Variants in SCN4A observed in about 807,000 individuals in gnomAD.
The protein encoded by SCN4A is sodium voltage-gated channel alpha subunit 4.
SCN4A carries 83 observed loss-of-function variants against 162.0 expected under a neutral mutation model. The ratio of observed to expected loss-of-function variants is 0.51; its 90% CI spans 0.43 to 0.61. The LOEUF (loss-of-function observed/expected upper bound fraction) is 0.61, where lower values mean the gene tolerates loss of function less well. SCN4A is among the 20% of genes least tolerant of loss of function. The pLI, the probability that SCN4A is intolerant of heterozygous loss-of-function variation, is 0.00. For synonymous variants in SCN4A, 944 were observed against 985.1 expected (o/e 0.96, Z 0.78); for missense variants, 2,196 against 2,462.5 (o/e 0.89, Z 2.29).
chr17:63,966,826 T>A, intron 6 of SCN4A, among the ~76,000 whole-genome samples: 1 of 152,256 alleles, frequency 6.6e-6, no homozygotes, highest in Admixed American at 6.5e-5. Flanking sequence ...TGTACGTGTG[T>A]GCATGGGGTT....
chr17:63,949,320 C>T, intron 15 of SCN4A, 73 bp downstream of exon 15: 2 of 1,460,402 alleles, frequency 1.4e-6, no homozygotes, highest in Non-Finnish European at 1.8e-6. Context: ...GCTTTTGGTC[C>T]TGGTGTAGCC....
intron 15 of SCN4A, 122 bp downstream of exon 15, chr17:63,949,271 G>GT (rs1369092360): frequency 9.5e-7 from 1 of 1,054,186 alleles, no homozygotes; most frequent in East Asian, 2.6e-5. Flanking sequence ...CCCTAGACAC[G>GT]TGAGGCACGG....
chr17:63,954,149 G>C (rs1909002241), intron 13 of SCN4A, among the ~76,000 whole-genome samples: 1 of 152,186 alleles, frequency 6.6e-6, no homozygotes, highest in South Asian at 2.1e-4. Context: ...CTCACTCCTG[G>C]CTCTCACCAG....
intron 11 of SCN4A, 129 bp from the exon 12 acceptor site, chr17:63,959,567 G>T: frequency 1.2e-6 from 1 of 816,722 alleles, no homozygotes; most frequent in Non-Finnish European, 2.0e-6. Context: ...GCCCTGAGAG[G>T]AGCAGGAGTG....
chr17:63,970,665 A>G (rs372127406), intron 5 of SCN4A, among the ~76,000 whole-genome samples: 1 of 149,702 alleles, frequency 6.7e-6, no homozygotes, highest in Admixed American at 6.7e-5. Context: ...ATGGAATCTC[A>G]CTGTGTTGCC....
chr17:63,952,595 AC>A (rs1421511454), intron 13 of SCN4A, among the ~76,000 whole-genome samples: 1 of 151,546 alleles, frequency 6.6e-6, no homozygotes, highest in African/African-American at 2.4e-5. Flanking sequence ...GACTTTATAG[AC>A]CCCGCACTCC....
rs761874460 is a variant in SCN4A, at chr17:63,964,588, G to A, written c.1332C>T (p.Ala444=). The change falls in exon 9 of 24, where the codon GCC becomes GCT. Residue 444 remains alanine (A), a synonymous_variant. Coordinates refer to ENST00000435607, the MANE Select transcript of SCN4A (RefSeq NM_000334.4). ...GSFYLINLIL[A]VVAMAYAEQN... The stretch of plus-strand genomic sequence containing the variant: ...GCTCGGCATATGCCATGGCCACCAC[G>A]GCCAGGATCAGATTGATGAGGTAGA... 7 of 1,613,756 alleles carry A rather than the reference G, an allele frequency of 4.3e-6. No homozygotes were observed. The highest frequency in any genetic ancestry group is 2.7e-5 in the African/African-American group (2 of 74,944).
At chr17:63,958,001 C>CT (rs994876839) in intron 12 of SCN4A, among the ~76,000 whole-genome samples, 1 of 95,514 alleles carries the variant, frequency 1.0e-5, no homozygotes, top group Non-Finnish European at 2.1e-5. Flanking sequence ...CAAAACTCCA[C>CT]TAAAAAAAAA....
chr17:63,967,112 G>T (rs1280958440), intron 6 of SCN4A, among the ~76,000 whole-genome samples: 1 of 152,036 alleles, frequency 6.6e-6, no homozygotes, highest in Admixed American at 6.6e-5. Flanking sequence ...ACAGGTTAGG[G>T]AGTAGGAACT....
chr17:63,961,004 T>G (rs1194771264), intron 11 of SCN4A, among the ~76,000 whole-genome samples, 189 bp downstream of exon 11: 1 of 150,442 alleles, frequency 6.6e-6, no homozygotes. Context: ...CCCAGTTCTG[T>G]GTGCCACAGA....
At position 63,947,779 on chromosome 17, in the gene SCN4A, T is replaced by G. The variant is rs998660383; in HGVS notation, c.3318+111A>C. 6.6e-6 allele frequency: 7 copies of G among 1,058,950 alleles called. No homozygotes were observed. The East Asian group carries it at 1.8e-4, about 28-fold the overall frequency. 65.6% of individuals were successfully genotyped at this position (1,058,950 alleles called of 1,614,324 possible). On this transcript the variant is annotated intron_variant, in intron 17 of 23. Coordinates refer to ENST00000435607, the MANE Select transcript of SCN4A (RefSeq NM_000334.4). ...GGGCAGCACTGATTGAGGGTCTGAC[T>G]CTGGGGGTGGCCTCGGGCAGGTCCT...
At position 63,948,640 on chromosome 17, in the gene SCN4A, A is replaced by G. The variant is rs756557811; in HGVS notation, c.3115T>C (p.Phe1039Leu). ...GCCCCACTGCTGAGCAGGATCATGA[A>G]GACAATGAAGGTCTCGAACCAGTTG... ...EHNWFETFIVFMILLSSGALA... is the reference protein window; with the variant it reads ...EHNWFETFIVLMILLSSGALA... The change falls in exon 16 of 24, where the codon TTC becomes CTC. Residue 1039 changes from phenylalanine (F) to leucine (L), a missense_variant. Coordinates refer to ENST00000435607, the MANE Select transcript of SCN4A (RefSeq NM_000334.4). 6.2e-7 allele frequency: 1 copy of G among 1,613,850 alleles called. No homozygotes were observed. The highest frequency in any genetic ancestry group is 8.5e-7 in the Non-Finnish European group (1 of 1,179,866).
chr17:63,957,730 G>A (rs1003386938), intron 12 of SCN4A, among the ~76,000 whole-genome samples: 6 of 152,132 alleles, frequency 3.9e-5, no homozygotes, highest in Non-Finnish European at 4.4e-5. Flanking sequence ...CAGGCCAGGC[G>A]CGGTGGCTCA....
chr17:63,947,801 T>TC, intron 17 of SCN4A, 89 bp downstream of exon 17: 1 of 1,370,574 alleles, frequency 7.3e-7, no homozygotes, highest in Admixed American at 2.2e-5. Context: ...CTCGGGCAGG[T>TC]CCTGCCCTTC....
chr17:63,955,655 C>T (rs528534764), intron 13 of SCN4A, among the ~76,000 whole-genome samples: 18 of 152,296 alleles, frequency 1.2e-4, no homozygotes, highest in African/African-American at 3.8e-4. Flanking sequence ...CTTAGACTTA[C>T]ATCAACAAAC....
In SCN4A at chr17:63,958,651, C is replaced by T. The variant is rs548301622; in HGVS notation, c.2019+614G>A. On this transcript the variant is annotated intron_variant, in intron 12 of 23. Coordinates refer to ENST00000435607, the MANE Select transcript of SCN4A (RefSeq NM_000334.4). ...CACTGCAACCTCAGCCTTCCGGGTT[C>T]AAGTGATTCTCCTGCCTCAGCCTCC... Among the ~76,000 whole-genome samples, 9 of 152,282 alleles carry T rather than the reference C, an allele frequency of 5.9e-5. No homozygotes were observed. The South Asian group carries it at 1.7e-3, about 28-fold the overall frequency.
rs138273832 is a variant in SCN4A, at chr17:63,963,017, C to A, written c.1606+655G>T. Among the ~76,000 whole-genome samples the A allele has an allele frequency of 1.7e-4, 26 of 152,302 alleles. No homozygotes were observed. In the East Asian group the frequency reaches 4.8e-3, roughly 28 times the overall value. On this transcript the variant is annotated intron_variant, in intron 10 of 23. Transcript: ENST00000435607. Reference sequence around the variant, plus strand: ...CTCTGTGTGTCAGAATTCCTTTTCTCTATTGTCCCTTTTTCCTGTGCTTCC... The same window carrying A: ...CTCTGTGTGTCAGAATTCCTTTTCTATATTGTCCCTTTTTCCTGTGCTTCC...
At chr17:63,942,280 T>A (rs1169234698) in intron 23 of SCN4A, among the ~76,000 whole-genome samples, 2 of 151,646 alleles carry the variant, frequency 1.3e-5, no homozygotes, top group African/African-American at 4.9e-5. Flanking sequence ...TGTGTGTGTG[T>A]GTGTGTGTGT....
chr17:63,939,367 C>CACACATATATACACATATAT lies in SCN4A; in HGVS notation c.*1384_*1403dup, dbSNP rs112489358. 1 of 151,548 alleles carries CACACATATATACACATATAT rather than the reference C, an allele frequency of 6.6e-6. No individual in the cohort carries two copies. The highest frequency in any genetic ancestry group is 2.0e-4 in the East Asian group (1 of 5,086). 9.4% of individuals were successfully genotyped at this position (151,548 alleles called of 1,614,324 possible). ...CCATGGACCTTGAAACAGTCCAGGG[C>CACACATATATACACATATAT]ACACATATATACACATATATACAAA... On this transcript the variant is annotated 3_prime_UTR_variant, in exon 24 of 24. Coordinates refer to ENST00000435607, the MANE Select transcript of SCN4A (RefSeq NM_000334.4).
Sources: allele counts gnomAD v4.1 joint callset (sites outside exome capture counted in the v4.1 genomes callset), GRCh38; gene constraint gnomAD v4.1.1; transcripts MANE v1.5; gene names NCBI Gene and HGNC (gene_info 2026-07-23, HGNC 2026-07-21).